The following ROR2 variants were observed in gnomAD, a reference collection of about 807,000 sequenced individuals.
The protein encoded by ROR2 is tyrosine-protein kinase transmembrane receptor ROR2.
ROR2 carries 33 observed loss-of-function variants against 74.9 expected under a neutral mutation model. The ratio of observed to expected loss-of-function variants is 0.44; its 90% CI spans 0.33 to 0.59. The LOEUF (loss-of-function observed/expected upper bound fraction) is 0.59. Among genes scored for constraint, ROR2 ranks in the 20% least tolerant of loss-of-function variants. The pLI is 0.02. For synonymous variants in ROR2, 586 were observed against 558.7 expected, an observed-to-expected ratio of 1.05 and a Z score of -0.69; for missense variants, 1,216 against 1,313.8, an observed-to-expected ratio of 0.93 and a Z score of 1.15.
chr9:91,813,027 G>A (rs1410618932), intron 1 of ROR2, among the ~76,000 whole-genome samples: 2 of 152,032 alleles, frequency 1.3e-5, no homozygotes, highest in East Asian at 3.9e-4. Flanking sequence ...CTAACCAAAT[G>A]CAATCCTCCA....
chr9:91,892,255 C>T (rs938253616), intron 1 of ROR2, among the ~76,000 whole-genome samples: 3 of 152,198 alleles, frequency 2.0e-5, no homozygotes, highest in Non-Finnish European at 4.4e-5. Flanking sequence ...ATCAGCACAT[C>T]CTTGGGTAGG....
intron 1 of ROR2, among the ~76,000 whole-genome samples, chr9:91,934,578 C>G (rs1050778859): frequency 2.6e-5 from 4 of 152,130 alleles, no homozygotes; most frequent in East Asian, 3.8e-4. Flanking sequence ...AACGTATACC[C>G]TCATTTGGCT....
intron 1 of ROR2, among the ~76,000 whole-genome samples, chr9:91,854,224 T>A (rs1341220665): frequency 6.6e-6 from 1 of 152,172 alleles, no homozygotes; most frequent in Admixed American, 6.5e-5. Flanking sequence ...AGCAGGGGGA[T>A]GCACTGGCTC....
chr9:91,816,153 CCT>C (rs1349730210), intron 1 of ROR2, among the ~76,000 whole-genome samples: 3 of 152,182 alleles, frequency 2.0e-5, no homozygotes, highest in Admixed American at 6.5e-5. Flanking sequence ...GCCAGTGTCC[CCT>C]GTCTTTCTCC....
At chr9:91,732,278 G>A (rs1837269826) in intron 6 of ROR2, among the ~76,000 whole-genome samples, 1 of 152,292 alleles carries the variant, frequency 6.6e-6, no homozygotes, top group African/African-American at 2.4e-5. Context: ...CATAAGCAGC[G>A]CTCCCTGTCC....
At chr9:91,895,945 T>C (rs555598334) in intron 1 of ROR2, among the ~76,000 whole-genome samples, 2 of 152,318 alleles carry the variant, frequency 1.3e-5, no homozygotes, top group African/African-American at 2.4e-5. Context: ...GGTCCCTCCA[T>C]GTCACCCGCG....
At chr9:91,813,614 C>A (rs148155134) in intron 1 of ROR2, among the ~76,000 whole-genome samples, 26 of 152,188 alleles carry the variant, frequency 1.7e-4, no homozygotes, top group African/African-American at 6.3e-4. Context: ...TCAGAAAACA[C>A]CCAACCCCAG....
chr9:91,896,048 A>G (rs149233172), intron 1 of ROR2, among the ~76,000 whole-genome samples: 2 of 152,324 alleles, frequency 1.3e-5, no homozygotes, highest in Non-Finnish European at 2.9e-5. Flanking sequence ...AAAAATATTC[A>G]AACAGCCTCC....
chr9:91,827,042 C>T (rs989835970), intron 1 of ROR2, among the ~76,000 whole-genome samples: 1 of 152,150 alleles, frequency 6.6e-6, no homozygotes, highest in African/African-American at 2.4e-5. Context: ...TTCTGACTTC[C>T]CTAACTATAT....
At chr9:91,859,496 T>C (rs1318920956) in intron 1 of ROR2, among the ~76,000 whole-genome samples, 3 of 152,128 alleles carry the variant, frequency 2.0e-5, no homozygotes, top group Non-Finnish European at 2.9e-5. Flanking sequence ...ACTGTGGTCC[T>C]GGGAACAATT....
chr9:91,831,894 A>G (rs1448240589), intron 1 of ROR2, among the ~76,000 whole-genome samples: 8 of 152,300 alleles, frequency 5.3e-5, no homozygotes, highest in Non-Finnish European at 8.8e-5. Flanking sequence ...CCTTCCCTGT[A>G]AAAAGATGCT....
At chr9:91,760,550 C>T (rs1159541729) in intron 2 of ROR2, among the ~76,000 whole-genome samples, 8 of 151,224 alleles carry the variant, frequency 5.3e-5, no homozygotes, top group African/African-American at 7.3e-5. Flanking sequence ...AGGAGAATGG[C>T]GTGAACCCGG....
At chr9:91,729,379 A>G (rs1187834463) in intron 7 of ROR2, among the ~76,000 whole-genome samples, 1 of 152,226 alleles carries the variant, frequency 6.6e-6, no homozygotes, top group Non-Finnish European at 1.5e-5. Flanking sequence ...CCTAGACCGC[A>G]ATTTGAATGA....
rs747797208 is a variant in ROR2, at chr9:91,724,886, G to A, written c.1608C>T (p.Val536=). The change falls in exon 9 of 9, where the codon GTC becomes GTT. Residue 536 remains valine (V), a synonymous_variant. Coordinates refer to ENST00000375708, the MANE Select transcript of ROR2 (RefSeq NM_004560.4). The part of the protein sequence containing the change: ...MLRARLQHPN[V]VCLLGVVTKD... ...TGGTCACCACGCCCAGCAGGCAGAC[G>A]ACGTTGGGGTGTTGCAGCCGTGCTC... The A allele has an allele frequency of 3.7e-6, 6 of 1,604,030 alleles. No homozygotes were observed. The highest frequency in any genetic ancestry group is 1.3e-5 in the African/African-American group (1 of 74,738).
chr9:91,851,284 G>A (rs1163803627), intron 1 of ROR2, among the ~76,000 whole-genome samples: 1 of 151,322 alleles, frequency 6.6e-6, no homozygotes, highest in Non-Finnish European at 1.5e-5. Flanking sequence ...CCCGGGAGGT[G>A]GAGCTAGCAG....
At chr9:91,921,239 T>A (rs964829980) in intron 1 of ROR2, among the ~76,000 whole-genome samples, 1 of 152,234 alleles carries the variant, frequency 6.6e-6, no homozygotes, top group Admixed American at 6.5e-5. Context: ...CAACCCCATA[T>A]CAACAAAGAA....
intron 2 of ROR2, among the ~76,000 whole-genome samples, chr9:91,775,437 G>A (rs965570668): frequency 2.0e-5 from 3 of 152,104 alleles, no homozygotes; most frequent in Non-Finnish European, 4.4e-5. Flanking sequence ...CACCTCTGGA[G>A]TCACATGCAA....
intron 1 of ROR2, among the ~76,000 whole-genome samples, chr9:91,840,021 G>C (rs879375954): frequency 2.6e-5 from 4 of 152,256 alleles, no homozygotes; most frequent in Admixed American, 6.5e-5. Flanking sequence ...CACTGTACTG[G>C]CCCCCGTTCC....
At chr9:91,824,440 G>C (rs1483209888) in intron 1 of ROR2, among the ~76,000 whole-genome samples, 1 of 152,218 alleles carries the variant, frequency 6.6e-6, no homozygotes, top group African/African-American at 2.4e-5. Flanking sequence ...AGGTAGGAAT[G>C]TGCACACGCC....
Sources: allele counts gnomAD v4.1 joint callset (sites outside exome capture counted in the v4.1 genomes callset), GRCh38; gene constraint gnomAD v4.1.1; transcripts MANE v1.5; gene names NCBI Gene and HGNC (gene_info 2026-07-23, HGNC 2026-07-21).